Variants in SPAG17 observed in about 807,000 individuals in gnomAD.
The protein encoded by SPAG17 is sperm-associated antigen 17.
In SPAG17, 169 loss-of-function variants were observed where a neutral mutation model predicts 273.6. The observed-to-expected ratio is 0.62, with a 90% CI of 0.55 to 0.70. The LOEUF is 0.70. SPAG17 is among the 30% of genes least tolerant of loss of function. SPAG17 has a pLI of 0.00. For synonymous variants in SPAG17, 825 were observed against 873.2 expected (o/e 0.94, Z 0.97); for missense variants, 2,557 against 2,627.8 (o/e 0.97, Z 0.59).
chr1:118,080,316 G>C (rs760683681), intron 15 of SPAG17, among the ~76,000 whole-genome samples: 11 of 152,282 alleles, frequency 7.2e-5, no homozygotes, highest in Non-Finnish European at 1.3e-4. Flanking sequence ...GTCAAAAAGA[G>C]AACTCAGGGT....
intron 43 of SPAG17, among the ~76,000 whole-genome samples, chr1:117,975,446 G>GTT (rs112019475): frequency 6.6e-6 from 1 of 151,994 alleles, no homozygotes; most frequent in African/African-American, 2.4e-5. Context: ...TAGTGTCTCT[G>GTT]TTTTTTTTGC....
chr1:118,022,623 T>C (rs1319006020), intron 28 of SPAG17, among the ~76,000 whole-genome samples: 1 of 152,174 alleles, frequency 6.6e-6, no homozygotes, highest in Non-Finnish European at 1.5e-5. Context: ...AAAACACTTC[T>C]CAGGACAGCA....
chr1:118,152,925 C>T (rs181627993), intron 1 of SPAG17, among the ~76,000 whole-genome samples: 1 of 152,290 alleles, frequency 6.6e-6, no homozygotes, highest in African/African-American at 2.4e-5. Flanking sequence ...ATAAAGTACA[C>T]ACAGTTACAG....
chr1:117,968,179 T>C (rs945341223), intron 46 of SPAG17, among the ~76,000 whole-genome samples: 1 of 152,118 alleles, frequency 6.6e-6, no homozygotes, highest in Non-Finnish European at 1.5e-5. Context: ...GATTTACATA[T>C]GGGGAAGTCT....
chr1:117,991,863 G>GT (rs1379426842), intron 36 of SPAG17, among the ~76,000 whole-genome samples: 19 of 152,200 alleles, frequency 1.2e-4, no homozygotes, highest in Admixed American at 8.5e-4. Flanking sequence ...TTCAGGTATA[G>GT]TTTTTTTATT....
chr1:118,087,769 A>G (rs1249620462), intron 10 of SPAG17, among the ~76,000 whole-genome samples: 1 of 152,166 alleles, frequency 6.6e-6, no homozygotes, highest in Non-Finnish European at 1.5e-5. Flanking sequence ...TCCTATAATC[A>G]TCCTCTATGA....
intron 17 of SPAG17, among the ~76,000 whole-genome samples, chr1:118,073,333 C>T (rs1444331205): frequency 2.6e-5 from 4 of 152,142 alleles, no homozygotes; most frequent in Admixed American, 6.5e-5. Context: ...TTACTGCTTA[C>T]ATAGTTTCTA....
chr1:118,094,315 T>C (rs1027298994), intron 7 of SPAG17, among the ~76,000 whole-genome samples: 5 of 152,230 alleles, frequency 3.3e-5, no homozygotes, highest in African/African-American at 1.2e-4. Context: ...AGTTAATTCA[T>C]TTTAAAATGA....
At chr1:118,093,948 C>T (rs902332699) in intron 7 of SPAG17, among the ~76,000 whole-genome samples, 1 of 152,156 alleles carries the variant, frequency 6.6e-6, no homozygotes, top group African/African-American at 2.4e-5. Flanking sequence ...AGCTCAGATA[C>T]CTCTATTACT....
intron 1 of SPAG17, among the ~76,000 whole-genome samples, chr1:118,176,488 A>G (rs1194545512): frequency 6.6e-6 from 1 of 152,228 alleles, no homozygotes; most frequent in Non-Finnish European, 1.5e-5. Context: ...ATAATGATAA[A>G]GATGTCAATT....
intron 22 of SPAG17, among the ~76,000 whole-genome samples, chr1:118,040,462 A>T (rs1649607258): frequency 6.6e-6 from 1 of 152,174 alleles, no homozygotes; most frequent in Admixed American, 6.6e-5. Flanking sequence ...ATTACTATTT[A>T]CCAATTGTAT....
rs150401918 is a variant in SPAG17 at position 118,134,559 on chromosome 1, A to G, written c.315+15984T>C. Among the ~76,000 whole-genome samples the G allele has an allele frequency of 3.9e-3, 601 of 152,294 alleles. 7 individuals carry two copies. Among genetic ancestry groups the G allele is most frequent in the African/African-American group, 0.014 (573 of 41,560 alleles). ...TGCTTTTAACAGTGCCACCCCTCCA[A>G]CTTCCCATGGAATTATTCCCGTACT... is the stretch of plus-strand genomic sequence containing the variant. On this transcript the variant is annotated intron_variant, in intron 3 of 48. Transcript: ENST00000336338.
At chr1:118,091,858 T>G in intron 9 of SPAG17, 72 bp downstream of exon 9, 5 of 1,482,790 alleles carry the variant, frequency 3.4e-6, no homozygotes, top group Admixed American at 1.7e-5. Flanking sequence ...GAAAGTAATA[T>G]GGAGGGCAGT....
intron 45 of SPAG17, 117 bp from the exon 46 acceptor site, chr1:117,970,233 G>C: frequency 2.2e-6 from 2 of 900,736 alleles, no homozygotes; most frequent in Admixed American, 6.4e-5. Flanking sequence ...GGAGCCGGGG[G>C]TCCATACCAT....
At chr1:118,178,950 A>G (rs1049875876) in intron 1 of SPAG17, among the ~76,000 whole-genome samples, 1 of 152,044 alleles carries the variant, frequency 6.6e-6, no homozygotes, top group Non-Finnish European at 1.5e-5. Context: ...AAGAGATTGA[A>G]GAGGATATAC....
intron 20 of SPAG17, among the ~76,000 whole-genome samples, chr1:118,045,428 G>A (rs1037230716): frequency 6.6e-6 from 1 of 152,178 alleles, no homozygotes; most frequent in Non-Finnish European, 1.5e-5. Context: ...GAACTAAGTT[G>A]GTGAATGCAT....
chr1:117,982,476 C>T lies in SPAG17; in HGVS notation c.5873-1075G>A, dbSNP rs190479588. 5.5e-3 allele frequency among the ~76,000 whole-genome samples: 843 copies of T among 152,210 alleles called. 6 individuals are homozygous for T. The highest frequency in any genetic ancestry group is 0.019 in the African/African-American group (798 of 41,556). On this transcript the variant is annotated intron_variant, in intron 42 of 48. Coordinates refer to ENST00000336338, the MANE Select transcript of SPAG17 (RefSeq NM_206996.4). The stretch of plus-strand genomic sequence containing the variant: ...CAGGATGGTCTCGATCTCCTGACCT[C>T]GTGATCCACCCGCTTTGGCCTCCTA...
At chr1:117,957,485 A>AG (rs1363313191) in intron 48 of SPAG17, among the ~76,000 whole-genome samples, 1 of 152,218 alleles carries the variant, frequency 6.6e-6, no homozygotes, top group Admixed American at 6.5e-5. Context: ...ACTCAGTCAT[A>AG]GGCCTCCATG....
At chr1:117,989,260 C>G (rs891288565) in intron 38 of SPAG17, among the ~76,000 whole-genome samples, 2 of 152,090 alleles carry the variant, frequency 1.3e-5, no homozygotes, top group Non-Finnish European at 2.9e-5. Flanking sequence ...TTCTTTGGCT[C>G]ACAATTCTGC....
Sources: gnomAD v4.1 joint callset for allele counts (sites outside exome capture counted in the v4.1 genomes callset) on GRCh38, gnomAD v4.1.1 for gene constraint, MANE v1.5 for transcripts, NCBI Gene and HGNC (gene_info 2026-07-23, HGNC 2026-07-21) for gene names.